Variants in PDE1C observed in about 807,000 individuals in gnomAD.
PDE1C encodes dual specificity calcium/calmodulin-dependent 3',5'-cyclic nucleotide phosphodiesterase 1C.
PDE1C carries 62 observed loss-of-function variants against 93.1 expected under a neutral mutation model. The observed-to-expected ratio is 0.67, with a 90% CI of 0.54 to 0.82. PDE1C has a LOEUF of 0.82. Among genes scored for constraint, PDE1C ranks in the 40% least tolerant of loss-of-function variants. The pLI, the probability that PDE1C is intolerant of heterozygous loss-of-function variation, is 0.00. For synonymous variants in PDE1C, 325 were observed against 310.1 expected, an observed-to-expected ratio of 1.05 and a Z score of -0.50; for missense variants, 742 against 884.6, an observed-to-expected ratio of 0.84 and a Z score of 2.04.
upstream of PDE1C, chr7:32,071,425 T>A: frequency 1.0e-6 from 1 of 985,502 alleles, no homozygotes; most frequent in Non-Finnish European, 1.2e-6. Flanking sequence ...AAACTCTTGA[T>A]GTTTTCTTGC....
chr7:31,617,372 C>T, the PDE1C span, among the ~76,000 whole-genome samples: 1 of 152,044 alleles, frequency 6.6e-6, no homozygotes, highest in African/African-American at 2.4e-5. Context: ...GGTATCATAC[C>T]TCTATGTAGT....
chr7:32,286,863 T>C (rs965808576), intron 1 of PDE1C, among the ~76,000 whole-genome samples: 6 of 152,198 alleles, frequency 3.9e-5, no homozygotes, highest in Non-Finnish European at 5.9e-5. Context: ...ATCGTTTTTA[T>C]AGGCAAATAA....
chr7:31,889,582 G>A (rs1798375873), intron 2 of PDE1C, among the ~76,000 whole-genome samples: 1 of 152,170 alleles, frequency 6.6e-6, no homozygotes, highest in South Asian at 2.1e-4. Flanking sequence ...ATGCCACAGA[G>A]GAGCCCTGCA....
intron 1 of PDE1C, among the ~76,000 whole-genome samples, chr7:32,373,571 G>A (rs1784368383): frequency 6.6e-6 from 1 of 152,198 alleles, no homozygotes; most frequent in Non-Finnish European, 1.5e-5. Context: ...TGCAACTCTT[G>A]AATTCGCCAA....
intron 3 of PDE1C, among the ~76,000 whole-genome samples, chr7:32,132,340 T>C (rs1319159997): frequency 3.9e-5 from 6 of 152,072 alleles, no homozygotes; most frequent in Non-Finnish European, 7.4e-5. Context: ...TTTTAGGCAA[T>C]ACGGTGGCAT....
chr7:32,298,659 A>T, exon 1 of PDE1C: 1 of 1,606,138 alleles, frequency 6.2e-7, no homozygotes, highest in Non-Finnish European at 8.5e-7. Flanking sequence ...ACCTATGGTG[A>T]AGCTGTAGCC....
At chr7:32,406,146 G>A (rs577102826) in intron 1 of PDE1C, among the ~76,000 whole-genome samples, 1 of 152,206 alleles carries the variant, frequency 6.6e-6, no homozygotes, top group African/African-American at 2.4e-5. Flanking sequence ...GCACACTAGA[G>A]GCAAAAACAG....
chr7:31,960,983 C>T (rs1309795396), intron 2 of PDE1C, among the ~76,000 whole-genome samples: 1 of 152,144 alleles, frequency 6.6e-6, no homozygotes, highest in African/African-American at 2.4e-5. Context: ...ATCATCTCCT[C>T]TCTCAATTTG....
intron 14 of PDE1C, among the ~76,000 whole-genome samples, chr7:31,817,759 C>A (rs1788447336): frequency 6.6e-6 from 1 of 152,088 alleles, no homozygotes; most frequent in South Asian, 2.1e-4. Context: ...TAATGGACAC[C>A]AGAGTGACTA....
intron 2 of PDE1C, among the ~76,000 whole-genome samples, chr7:31,983,445 A>C (rs909752174): frequency 6.6e-6 from 1 of 152,170 alleles, no homozygotes; most frequent in Admixed American, 6.5e-5. Context: ...AGAAAATCTG[A>C]CACAATAGCA....
chr7:32,214,004 T>C (rs1027827505), intron 1 of PDE1C, among the ~76,000 whole-genome samples: 3 of 152,186 alleles, frequency 2.0e-5, no homozygotes, highest in African/African-American at 7.2e-5. Context: ...GGAAAAAATG[T>C]TTTTATTAGA....
chr7:32,310,584 G>C (rs1415336273), intron 1 of PDE1C, among the ~76,000 whole-genome samples: 2 of 151,966 alleles, frequency 1.3e-5, no homozygotes, highest in Admixed American at 1.3e-4. Flanking sequence ...AACTAGAACT[G>C]AGGACTAAGA....
intron 3 of PDE1C, among the ~76,000 whole-genome samples, chr7:32,112,287 C>A (rs1798684399): frequency 6.6e-6 from 1 of 151,586 alleles, no homozygotes; most frequent in African/African-American, 2.4e-5. Context: ...TTTTCATCTT[C>A]TTCCCTCCTC....
the PDE1C span, among the ~76,000 whole-genome samples, chr7:31,661,870 C>T: frequency 6.6e-6 from 1 of 152,148 alleles, no homozygotes; most frequent in African/African-American, 2.4e-5. Context: ...CCGAGTCTCT[C>T]TCCTTGAATC....
intron 11 of PDE1C, among the ~76,000 whole-genome samples, chr7:31,829,303 A>G (rs1583502128): frequency 6.6e-6 from 1 of 152,260 alleles, no homozygotes; most frequent in East Asian, 1.9e-4. Context: ...ATAGGGTTAT[A>G]AGGATGAAAG....
At chr7:31,830,123 A>G (rs1283972408) in intron 11 of PDE1C, among the ~76,000 whole-genome samples, 1 of 152,156 alleles carries the variant, frequency 6.6e-6, no homozygotes, top group Non-Finnish European at 1.5e-5. Flanking sequence ...TGAGCTGTGT[A>G]GACTCGACTA....
At chr7:31,817,362 A>G (rs73319155) in intron 14 of PDE1C, among the ~76,000 whole-genome samples, 2,673 of 152,274 alleles carry the variant, frequency 0.018, 72 homozygotes, top group African/African-American at 0.062. Context: ...CTCAAAGAAC[A>G]TTGAGTATGG....
intron 2 of PDE1C, among the ~76,000 whole-genome samples, chr7:31,954,479 A>C (rs1807852096): frequency 6.6e-6 from 1 of 152,294 alleles, no homozygotes; most frequent in East Asian, 1.9e-4. Flanking sequence ...ATTTGCTTTC[A>C]TGGTTTCCTT....
At chr7:32,341,174 T>TATTTTTTATTTTTTTTTA (rs72495478) in intron 1 of PDE1C, among the ~76,000 whole-genome samples, 13 of 17,138 alleles carry the variant, frequency 7.6e-4, no homozygotes, top group South Asian at 3.9e-3. Flanking sequence ...AAATAAAGTC[T>TATTTTTTATTTTTTTTTA]TTTTTTTTTT....
Sources: allele counts gnomAD v4.1 joint callset (sites outside exome capture counted in the v4.1 genomes callset), GRCh38; gene constraint gnomAD v4.1.1; transcripts MANE v1.5; gene names NCBI Gene and HGNC (gene_info 2026-07-23, HGNC 2026-07-21).